The following AP1S3 variants were observed in gnomAD, a reference collection of about 807,000 sequenced individuals.
AP1S3 encodes the protein adaptor related protein complex 1 subunit sigma 3.
In AP1S3, 10 loss-of-function variants were observed where a neutral mutation model predicts 20.9. That is an observed-to-expected ratio of 0.48 (90% CI 0.29 to 0.81). The LOEUF is 0.81. Among genes scored for constraint, AP1S3 ranks in the 30% least tolerant of loss-of-function variants. AP1S3 has a pLI of 0.08. For synonymous variants in AP1S3, 41 were observed against 61.5 expected (o/e 0.67, Z 1.56); for missense variants, 154 against 183.8 (o/e 0.84, Z 0.94).
At chr2:223,805,799 T>C (rs1238159612) in intron 1 of AP1S3, among the ~76,000 whole-genome samples, 4 of 152,224 alleles carry the variant, frequency 2.6e-5, no homozygotes, top group African/African-American at 9.6e-5. Flanking sequence ...TTTTTACCCA[T>C]GTATTATACA....
chr2:223,770,039 C>T (rs1024141672), intron 3 of AP1S3, among the ~76,000 whole-genome samples: 37 of 152,160 alleles, frequency 2.4e-4, no homozygotes, highest in African/African-American at 8.4e-4. Flanking sequence ...CCATCGCGCC[C>T]GGCCGCGATC....
intron 1 of AP1S3, among the ~76,000 whole-genome samples, chr2:223,784,097 A>C (rs933535332): frequency 1.3e-5 from 2 of 151,982 alleles, no homozygotes; most frequent in African/African-American, 4.8e-5. Context: ...CTTTTATATG[A>C]AGGTCTCCAG....
chr2:223,770,266 C>A, intron 3 of AP1S3: 1 of 1,550,452 alleles, frequency 6.4e-7, no homozygotes, highest in Non-Finnish European at 8.7e-7. Flanking sequence ...TCAAGGCAGG[C>A]GTAGACCAGG....
At chr2:223,796,248 A>G (rs116344158) in intron 1 of AP1S3, among the ~76,000 whole-genome samples, 4,569 of 152,244 alleles carry the variant, frequency 0.03, 133 homozygotes, top group Non-Finnish European at 0.039. Flanking sequence ...ATCTTCATCA[A>G]GGCAGGCAAA....
intron 1 of AP1S3, among the ~76,000 whole-genome samples, chr2:223,780,827 G>T (rs567348507): frequency 6.6e-6 from 1 of 151,538 alleles, no homozygotes; most frequent in East Asian, 1.9e-4. Flanking sequence ...GAGTATATGT[G>T]TGCTTTTCTT....
Position 223,837,488 on chromosome 2 carries a change from G to A in AP1S3, c.-38C>T. ...GCCGCCTCCCCCGCCTTGCGAGCAA[G>A]GAGCGCTGGAGAAGCGAGGGCGAGA... On this transcript the variant is annotated 5_prime_UTR_variant, in exon 1 of 5. Transcript: ENST00000396654. 1 of 1,274,004 alleles carries A rather than the reference G, an allele frequency of 7.8e-7. No individual in the cohort carries two copies. The highest frequency in any genetic ancestry group is 2.7e-5 in the South Asian group (1 of 36,520). The allele number at this position is 1,274,004 out of a possible 1,614,324, so 78.9% of individuals were successfully genotyped here. A position where few individuals can be genotyped will look rare whatever the true frequency, so the allele number is the denominator to read the frequency against.
Position 223,757,962 on chromosome 2 carries a change from T to C in AP1S3, c.*753A>G. On this transcript the variant is annotated 3_prime_UTR_variant, in exon 5 of 5. Coordinates refer to ENST00000396654, the MANE Select transcript of AP1S3 (RefSeq NM_001039569.2). ...TTAGAATAATAAAGGAAGTCATAGA[T>C]GCTGTATCTCTAGGTCTCTATAAAC... is the stretch of plus-strand genomic sequence containing the variant. The C allele has an allele frequency of 2.1e-6, 2 of 964,918 alleles. No homozygotes were observed. Among genetic ancestry groups the C allele is most frequent in the Non-Finnish European group, 2.5e-6 (2 of 811,216 alleles). The allele number at this position is 964,918 out of a possible 1,614,324, so 59.8% of individuals were successfully genotyped here. A position where few individuals can be genotyped will look rare whatever the true frequency, so the allele number is the denominator to read the frequency against.
intron 1 of AP1S3, among the ~76,000 whole-genome samples, chr2:223,779,963 G>T (rs1034829319): frequency 1.3e-5 from 2 of 151,416 alleles, no homozygotes; most frequent in African/African-American, 4.9e-5. Flanking sequence ...GCGAAACTCC[G>T]TCTCAAAAAA....
Position 223,814,689 on chromosome 2 carries a change from T to A in AP1S3, c.3+22759A>T, listed in dbSNP as rs545370569. On this transcript the variant is annotated intron_variant, in intron 1 of 4. Coordinates refer to ENST00000396654, the MANE Select transcript of AP1S3 (RefSeq NM_001039569.2). Reference sequence around the variant, plus strand: ...AGTTACACTTCAATCAAAATGAGGTTTGCACATTAAACTAAAAAATATGAC... The same window carrying A: ...AGTTACACTTCAATCAAAATGAGGTATGCACATTAAACTAAAAAATATGAC... 2.6e-5 allele frequency among the ~76,000 whole-genome samples: 4 copies of A among 152,360 alleles called. No individual in the cohort carries two copies. In the South Asian group the frequency reaches 8.3e-4, roughly 32 times the overall value.
Position 223,757,863 on chromosome 2 carries a change from A to T in AP1S3, c.*852T>A. 1.0e-6 allele frequency: 1 copy of T among 985,134 alleles called. No homozygotes were observed. Among genetic ancestry groups the T allele is most frequent in the South Asian group, 4.7e-5 (1 of 21,280 alleles). The allele number at this position is 985,134 out of a possible 1,614,324, so 61.0% of individuals were successfully genotyped here. A position where few individuals can be genotyped will look rare whatever the true frequency, so the allele number is the denominator to read the frequency against. ...ATTTGAAATGAAATTTCCAGCATCT[A>T]AGAGTGCTTGGAACGTGAATTTTAA... On this transcript the variant is annotated 3_prime_UTR_variant, in exon 5 of 5. Coordinates refer to ENST00000396654, the MANE Select transcript of AP1S3 (RefSeq NM_001039569.2).
chr2:223,795,834 G>A (rs1691324626), intron 1 of AP1S3, among the ~76,000 whole-genome samples: 1 of 152,092 alleles, frequency 6.6e-6, no homozygotes, highest in Non-Finnish European at 1.5e-5. Flanking sequence ...CTATAGTGTA[G>A]AGTCCAGCAA....
chr2:223,832,133 C>G (rs3222820), intron 1 of AP1S3, among the ~76,000 whole-genome samples: 4,061 of 42,948 alleles, frequency 0.095, 185 homozygotes, highest in East Asian at 0.24. Context: ...GGAGTTTTCT[C>G]TCTGTGTGTG....
intron 1 of AP1S3, among the ~76,000 whole-genome samples, chr2:223,823,162 TTA>T (rs1327241494): frequency 1.3e-5 from 2 of 152,172 alleles, no homozygotes; most frequent in Non-Finnish European, 2.9e-5. Flanking sequence ...AGTACAGCTA[TTA>T]TAGAAAACAG....
intron 1 of AP1S3, among the ~76,000 whole-genome samples, chr2:223,805,397 C>G (rs935841734): frequency 3.3e-5 from 5 of 152,058 alleles, no homozygotes; most frequent in Non-Finnish European, 5.9e-5. Context: ...GAGCCAAGAT[C>G]GCACCATTAC....
intron 1 of AP1S3, among the ~76,000 whole-genome samples, chr2:223,785,554 A>T (rs77080174): frequency 1.3e-5 from 2 of 152,202 alleles, no homozygotes; most frequent in African/African-American, 4.8e-5. Flanking sequence ...TTAGAAAAAA[A>T]TGCTTAATAA....
chr2:223,824,757 A>T (rs1574729826), intron 1 of AP1S3, among the ~76,000 whole-genome samples: 1 of 151,790 alleles, frequency 6.6e-6, no homozygotes, highest in Non-Finnish European at 1.5e-5. Context: ...GCTGGTCTCA[A>T]CTCCTGACAT....
intron 1 of AP1S3, among the ~76,000 whole-genome samples, chr2:223,829,500 G>A (rs1692209184): frequency 6.6e-6 from 1 of 152,060 alleles, no homozygotes. Context: ...GCCAAGGCGG[G>A]GGAGATCACT....
intron 1 of AP1S3, among the ~76,000 whole-genome samples, chr2:223,824,044 C>T (rs555040693): frequency 5.3e-5 from 8 of 152,174 alleles, no homozygotes; most frequent in South Asian, 2.1e-4. Context: ...TGCACTAGAG[C>T]GCAGTGGTGT....
At chr2:223,772,043 G>C (rs1690642707) in intron 3 of AP1S3, among the ~76,000 whole-genome samples, 1 of 152,210 alleles carries the variant, frequency 6.6e-6, no homozygotes, top group African/African-American at 2.4e-5. Flanking sequence ...GGAGGCGGAA[G>C]GTGCAGTGAG....
Sources: allele counts gnomAD v4.1 joint callset (sites outside exome capture counted in the v4.1 genomes callset), GRCh38; gene constraint gnomAD v4.1.1; transcripts MANE v1.5; gene names NCBI Gene and HGNC (gene_info 2026-07-23, HGNC 2026-07-21).